TCF12: variants seen among roughly 807,000 people sequenced by gnomAD.
TCF12 encodes the protein DNA-binding protein HTF4.
In TCF12, 45 loss-of-function variants were observed where a neutral mutation model predicts 86.0. The observed-to-expected ratio is 0.52, with a 90% CI of 0.41 to 0.67. The LOEUF (loss-of-function observed/expected upper bound fraction) is 0.67, where lower values mean the gene tolerates loss of function less well. Among genes scored for constraint, TCF12 ranks in the 30% least tolerant of loss-of-function variants. TCF12 has a pLI of 0.00. For synonymous variants in TCF12, 330 were observed against 299.6 expected, an observed-to-expected ratio of 1.10 and a Z score of -1.05; for missense variants, 881 against 859.9, an observed-to-expected ratio of 1.02 and a Z score of -0.31.
chr15:57,104,861 G>GTTTTTTTTTTTTT (rs11336613), intron 5 of TCF12, among the ~76,000 whole-genome samples: 17 of 71,482 alleles, frequency 2.4e-4, no homozygotes, highest in Middle Eastern at 0.024. Context: ...CTTTGGTGGT[G>GTTTTTTTTTTTTT]TTTTTTTTTT....
chr15:56,921,427 G>T, intron 3 of TCF12, among the ~76,000 whole-genome samples: 1 of 106,824 alleles, frequency 9.4e-6, no homozygotes, highest in Non-Finnish European at 2.1e-5. Flanking sequence ...ATAATGTTTA[G>T]AGTAAGTTAA....
chr15:56,959,602 T>A (rs1258270340), intron 3 of TCF12, among the ~76,000 whole-genome samples: 1 of 152,198 alleles, frequency 6.6e-6, no homozygotes, highest in African/African-American at 2.4e-5. Context: ...TACATACATA[T>A]TAAACCTTTT....
At chr15:57,216,975 T>C (rs1422881531) in intron 8 of TCF12, among the ~76,000 whole-genome samples, 1 of 152,190 alleles carries the variant, frequency 6.6e-6, no homozygotes, top group African/African-American at 2.4e-5. Context: ...CATATAATTA[T>C]AGATACAGGC....
chr15:57,202,026 G>A (rs542424011), intron 8 of TCF12, among the ~76,000 whole-genome samples: 1 of 152,260 alleles, frequency 6.6e-6, no homozygotes, highest in South Asian at 2.1e-4. Flanking sequence ...GTTGTTAGTG[G>A]TGCAAGACTT....
chr15:56,972,325 A>G (rs77396327), intron 3 of TCF12, among the ~76,000 whole-genome samples: 2 of 152,368 alleles, frequency 1.3e-5, no homozygotes, highest in East Asian at 3.9e-4. Context: ...TCCAGCAATA[A>G]AATAATATGT....
intron 6 of TCF12, among the ~76,000 whole-genome samples, chr15:57,190,543 G>T (rs1410640968): frequency 6.6e-6 from 1 of 152,110 alleles, no homozygotes; most frequent in Non-Finnish European, 1.5e-5. Flanking sequence ...CTTCTCAAGT[G>T]TATTCAACCC....
chr15:57,168,930 C>G (rs559300081), intron 6 of TCF12, among the ~76,000 whole-genome samples: 3 of 152,102 alleles, frequency 2.0e-5, no homozygotes, highest in African/African-American at 7.2e-5. Flanking sequence ...CCTGTAATCC[C>G]AGCTACTTGG....
intron 19 of TCF12, among the ~76,000 whole-genome samples, chr15:57,281,285 T>G (rs116863821): frequency 0.017 from 2,588 of 152,270 alleles, 31 homozygotes; most frequent in Middle Eastern, 0.031. Flanking sequence ...TTTGCTATCT[T>G]TTATAAGAAG....
intron 19 of TCF12, among the ~76,000 whole-genome samples, chr15:57,279,553 T>G (rs761265184): frequency 2.0e-5 from 3 of 152,192 alleles, no homozygotes; most frequent in Non-Finnish European, 4.4e-5. Flanking sequence ...AGTTGTGTAT[T>G]TATTTCACAT....
rs572536703 is a variant in TCF12, at chr15:57,112,808, C to T, written c.325+20917C>T. 1.1e-4 allele frequency among the ~76,000 whole-genome samples: 16 copies of T among 152,140 alleles called. No homozygotes were observed. In the South Asian group the frequency reaches 3.3e-3, roughly 32 times the overall value. ...AATTACTAAAGACTCAGACTTTGTACTTAATAAGCTTATGATGAGTATAAA... is the reference window on the plus strand; with the variant it reads ...AATTACTAAAGACTCAGACTTTGTATTTAATAAGCTTATGATGAGTATAAA... On this transcript the variant is annotated intron_variant, in intron 5 of 20. Coordinates refer to ENST00000333725, the MANE Select transcript of TCF12 (RefSeq NM_207037.2).
intron 3 of TCF12, among the ~76,000 whole-genome samples, chr15:56,931,792 T>C (rs569906714): frequency 1.3e-5 from 2 of 152,318 alleles, no homozygotes; most frequent in East Asian, 3.9e-4. Flanking sequence ...AAAGTAGTAA[T>C]GAAGTGTGTA....
chr15:57,149,505 C>G (rs766255494), intron 5 of TCF12, among the ~76,000 whole-genome samples: 8 of 152,202 alleles, frequency 5.3e-5, no homozygotes, highest in Non-Finnish European at 1.0e-4. Flanking sequence ...GTTCTAAATT[C>G]AAATATGTCA....
chr15:57,202,098 A>T (rs1395083956), intron 8 of TCF12, among the ~76,000 whole-genome samples: 5 of 152,140 alleles, frequency 3.3e-5, no homozygotes, highest in African/African-American at 1.2e-4. Context: ...TTGCCAAACA[A>T]CTCTATAACT....
intron 3 of TCF12, among the ~76,000 whole-genome samples, chr15:57,056,470 T>C (rs1363203783): frequency 2.0e-5 from 3 of 152,028 alleles, no homozygotes; most frequent in Non-Finnish European, 2.9e-5. Flanking sequence ...TTAATTTATT[T>C]ATTTATGAGA....
chr15:57,190,555 C>A (rs148328064), intron 6 of TCF12, among the ~76,000 whole-genome samples: 1 of 152,064 alleles, frequency 6.6e-6, no homozygotes, highest in African/African-American at 2.4e-5. Context: ...ATTCAACCCC[C>A]CTTCCTTTTG....
intron 13 of TCF12, among the ~76,000 whole-genome samples, chr15:57,244,282 C>T (rs549329387): frequency 3.3e-4 from 50 of 152,232 alleles, no homozygotes; most frequent in East Asian, 2.3e-3. Flanking sequence ...TCATGTACTA[C>T]GGGTAAGATT....
chr15:56,918,447 T>C (rs1357706483), upstream of TCF12: 3 of 346,146 alleles, frequency 8.7e-6, no homozygotes, highest in East Asian at 2.7e-4. Context: ...GAGCGCCTCA[T>C]GCCCCTCCCC....
chr15:57,231,598 T>C lies in TCF12; in HGVS notation c.685+341T>C, dbSNP rs573871441. ...TTGTTTAATTTATGGATTCATATCA[T>C]GCCTAGAATTACCAATATAAAGAAA... On this transcript the variant is annotated intron_variant, in intron 9 of 20. Transcript: ENST00000333725. Among the ~76,000 whole-genome samples the C allele has an allele frequency of 2.5e-4, 38 of 152,304 alleles. No individual in the cohort carries two copies. The East Asian group carries it at 7.1e-3, about 29-fold the overall frequency.
chr15:57,013,345 C>T (rs924943660), intron 3 of TCF12, among the ~76,000 whole-genome samples: 3 of 152,184 alleles, frequency 2.0e-5, no homozygotes, highest in Admixed American at 6.5e-5. Flanking sequence ...GAGTCTTGCT[C>T]TGTCACCCAG....
Sources: allele counts gnomAD v4.1 joint callset (sites outside exome capture counted in the v4.1 genomes callset), GRCh38; gene constraint gnomAD v4.1.1; transcripts MANE v1.5; gene names NCBI Gene and HGNC (gene_info 2026-07-23, HGNC 2026-07-21).